KYAT3: variants seen among roughly 807,000 people sequenced by gnomAD.
The protein encoded by KYAT3 is kynurenine--oxoglutarate transaminase 3.
Under a neutral mutation model 59.0 loss-of-function variants are expected in KYAT3, and 50 were observed. The observed-to-expected ratio is 0.85, with a 90% CI of 0.68 to 1.07. KYAT3 has a LOEUF of 1.07. Among genes scored for constraint, KYAT3 ranks in the 50% least tolerant of loss-of-function variants. The pLI is 0.00. For missense variants in KYAT3, 497 were observed against 533.3 expected, an observed-to-expected ratio of 0.93 and a Z score of 0.67; for synonymous variants, 148 against 177.0, an observed-to-expected ratio of 0.84 and a Z score of 1.30.
At chr1:88,923,130 T>A in the KYAT3 span, among the ~76,000 whole-genome samples, 4 of 152,236 alleles carry the variant, frequency 2.6e-5, no homozygotes, top group East Asian at 7.7e-4. Flanking sequence ...AAAATTGCCA[T>A]TTATTAGATT....
the KYAT3 span, among the ~76,000 whole-genome samples, chr1:88,926,572 T>A: frequency 5.9e-5 from 9 of 152,124 alleles, no homozygotes. Context: ...TGTCTTGGCC[T>A]CCCAAAGTGC....
At chr1:88,988,436 C>G (rs1307890440) in intron 1 of KYAT3, 85 bp from the exon 2 acceptor site, 1 of 703,888 alleles carries the variant, frequency 1.4e-6, no homozygotes, top group Non-Finnish European at 2.4e-6. Flanking sequence ...GCTGATGTAT[C>G]ATAAGCTTAC....
chr1:88,940,866 T>C (rs771973129), intron 13 of KYAT3, among the ~76,000 whole-genome samples: 2 of 152,302 alleles, frequency 1.3e-5, no homozygotes, highest in Admixed American at 6.5e-5. Context: ...CTGCTCCTAC[T>C]GTTCTCAATA....
At chr1:88,953,647 G>A (rs1396426115) in intron 9 of KYAT3, among the ~76,000 whole-genome samples, 1 of 151,916 alleles carries the variant, frequency 6.6e-6, no homozygotes, top group African/African-American at 2.4e-5. Flanking sequence ...CTTCCAAATG[G>A]AGTCATTAAA....
chr1:88,949,580 T>C (rs1459571295), intron 10 of KYAT3, among the ~76,000 whole-genome samples: 4 of 152,246 alleles, frequency 2.6e-5, no homozygotes, highest in African/African-American at 9.6e-5. Flanking sequence ...AGATATTTTC[T>C]GCTGAGGTGA....
At chr1:88,963,816 G>A (rs1309867330) in intron 5 of KYAT3, among the ~76,000 whole-genome samples, 1 of 152,210 alleles carries the variant, frequency 6.6e-6, no homozygotes, top group Non-Finnish European at 1.5e-5. Flanking sequence ...AATGCTAATG[G>A]GAAATACGGG....
chr1:88,953,219 T>A lies in KYAT3; in HGVS notation c.865-67A>T, dbSNP rs1675754038. On this transcript the variant is annotated intron_variant, in intron 9 of 13. Coordinates refer to ENST00000260508, the MANE Select transcript of KYAT3 (RefSeq NM_001008661.3). ...TATATAACAAATCTGAGACAGCAGT[T>A]TAAACTTAGTGCAATTGTTAAATAT... 8 of 1,036,330 alleles carry A rather than the reference T, an allele frequency of 7.7e-6. 1 individual carries two copies. The East Asian group carries it at 9.7e-5, about 13-fold the overall frequency. 64.2% of individuals were successfully genotyped at this position (1,036,330 alleles called of 1,614,324 possible).
At chr1:88,954,442 A>G (rs1675820078) in intron 9 of KYAT3, among the ~76,000 whole-genome samples, 1 of 152,212 alleles carries the variant, frequency 6.6e-6, no homozygotes, top group Non-Finnish European at 1.5e-5. Context: ...TAGTGTGGTT[A>G]TGAGAATGAA....
the KYAT3 span, among the ~76,000 whole-genome samples, chr1:88,924,805 C>T: frequency 6.3e-4 from 96 of 152,278 alleles, no homozygotes; most frequent in Non-Finnish European, 5.0e-4. Context: ...GCTAAGTGCC[C>T]GGGTTCATCC....
At chr1:88,937,287 T>C (rs1011802845) in intron 13 of KYAT3, among the ~76,000 whole-genome samples, 4 of 151,978 alleles carry the variant, frequency 2.6e-5, no homozygotes, top group African/African-American at 7.3e-5. Flanking sequence ...CGGGTGAAGA[T>C]GTAGTGTAGC....
chr1:88,972,489 C>T (rs962100167), intron 2 of KYAT3, among the ~76,000 whole-genome samples: 6 of 152,128 alleles, frequency 3.9e-5, no homozygotes, highest in Non-Finnish European at 8.8e-5. Context: ...ACAGGGTGAA[C>T]TTATGGTGTC....
chr1:88,974,809 C>A (rs1676707506), intron 2 of KYAT3, among the ~76,000 whole-genome samples: 1 of 152,128 alleles, frequency 6.6e-6, no homozygotes, highest in African/African-American at 2.4e-5. Flanking sequence ...CACTCTGTGT[C>A]TAGCTAAAGG....
At chr1:88,946,835 CAA>C (rs905407271) in intron 11 of KYAT3, among the ~76,000 whole-genome samples, 5 of 152,292 alleles carry the variant, frequency 3.3e-5, no homozygotes, top group Non-Finnish European at 7.4e-5. Flanking sequence ...CTTTGCTTGT[CAA>C]AGCCTCTTCT....
chr1:88,954,694 A>G (rs1218136838), intron 9 of KYAT3, among the ~76,000 whole-genome samples: 14 of 152,246 alleles, frequency 9.2e-5, no homozygotes, highest in Non-Finnish European at 2.1e-4. Context: ...AAATAAGTCA[A>G]GAGATAAGCA....
At chr1:88,983,870 G>C in intron 2 of KYAT3, 2 of 1,611,616 alleles carry the variant, frequency 1.2e-6, no homozygotes, top group Non-Finnish European at 1.7e-6. Context: ...GTGGGTTCAA[G>C]CTCCAACAAG....
chr1:88,951,099 A>G (rs1448976968), intron 10 of KYAT3, among the ~76,000 whole-genome samples: 1 of 152,128 alleles, frequency 6.6e-6, no homozygotes, highest in Admixed American at 6.6e-5. Flanking sequence ...TTAGTTGTTC[A>G]AATGTTACCT....
intron 9 of KYAT3, among the ~76,000 whole-genome samples, chr1:88,954,330 G>A (rs1334178522): frequency 6.6e-6 from 1 of 152,188 alleles, no homozygotes; most frequent in Non-Finnish European, 1.5e-5. Flanking sequence ...TTCCTGTACA[G>A]GCTTGAATTT....
At chr1:88,958,872 A>G (rs946568495) in intron 8 of KYAT3, among the ~76,000 whole-genome samples, 3 of 152,224 alleles carry the variant, frequency 2.0e-5, no homozygotes, top group African/African-American at 7.2e-5. Context: ...AGTAAGTTTC[A>G]GAACCACTGA....
Position 88,983,729 on chromosome 1 carries a change from C to T in KYAT3, c.99+4523G>A, listed in dbSNP as rs139527615. On this transcript the variant is annotated intron_variant, in intron 2 of 13. Transcript: ENST00000260508. ...TTTTATCAAGAGTACTTCCACTATT[C>T]GTCCATATTTGCCAAATACTGTTTC... The T allele has an allele frequency of 7.0e-3, 11,242 of 1,614,010 alleles. 16 individuals carry two copies. Among genetic ancestry groups the T allele is most frequent in the Non-Finnish European group, 8.0e-3 (9,383 of 1,179,916 alleles).
Sources: allele counts gnomAD v4.1 joint callset (sites outside exome capture counted in the v4.1 genomes callset), GRCh38; gene constraint gnomAD v4.1.1; transcripts MANE v1.5; gene names NCBI Gene and HGNC (gene_info 2026-07-23, HGNC 2026-07-21).